Variants in TDRD1 observed in about 807,000 individuals in gnomAD.
The protein encoded by TDRD1 is tudor domain containing 1.
TDRD1 carries 37 observed loss-of-function variants against 140.6 expected under a neutral mutation model. That is an observed-to-expected ratio of 0.26 (90% CI 0.20 to 0.35). The LOEUF (loss-of-function observed/expected upper bound fraction) is 0.35. Among genes scored for constraint, TDRD1 ranks in the 10% least tolerant of loss-of-function variants. The pLI is 1.00. For missense variants in TDRD1, 1,243 were observed against 1,393.0 expected (o/e 0.89, Z 1.71); for synonymous variants, 506 against 475.7 (o/e 1.06, Z -0.83).
exon 24 of TDRD1, chr10:114,227,939 A>G (rs1337254279): frequency 6.2e-7 from 1 of 1,613,760 alleles, no homozygotes; most frequent in African/African-American, 1.3e-5. Context: ...TTGCTGCTGC[A>G]CAGAGTTACA....
rs779045957 is a variant in TDRD1 at position 114,220,854 on chromosome 10, A to G, written c.2770+11A>G. 5.7e-6 allele frequency: 9 copies of G among 1,583,300 alleles called. No individual in the cohort carries two copies. Among genetic ancestry groups the G allele is most frequent in the East Asian group, 2.2e-5 (1 of 44,660 alleles). The stretch of plus-strand genomic sequence containing the variant: ...TACAGGGACTTCAAGGTAACATTTT[A>G]AAACCATTTATTTGTTTAAATTTGT... On this transcript the variant is annotated intron_variant, in intron 19 of 25. Transcript: ENST00000251864.
At chr10:114,185,274 C>G (rs1311249495) in intron 1 of TDRD1, among the ~76,000 whole-genome samples, 4 of 152,232 alleles carry the variant, frequency 2.6e-5, no homozygotes, top group Non-Finnish European at 5.9e-5. Context: ...ACTGCGACCT[C>G]TGACTCCTGG....
intron 18 of TDRD1, 75 bp downstream of exon 18, chr10:114,218,659 T>C (rs2035957203): frequency 9.3e-7 from 1 of 1,070,976 alleles, no homozygotes; most frequent in East Asian, 2.6e-5. Flanking sequence ...ATATCTACAA[T>C]GTTAACATTT....
rs775155514 is a variant in TDRD1, at chr10:114,204,730, G to A, written c.1134G>A (p.Lys378=). Residue 378 remains lysine, a synonymous_variant, in exon 10 of 26, where the codon AAG becomes AAA. Coordinates refer to ENST00000251864, the Ensembl canonical transcript of TDRD1. The stretch of plus-strand genomic sequence containing the variant: ...TGCGTAAAATTTTTCAGGCCATAAA[G>A]TGCTTTGTAGCCAATGTTATCCCAG... 6.3e-6 allele frequency: 10 copies of A among 1,582,790 alleles called. No homozygotes were observed. In the Admixed American group the frequency reaches 1.9e-4, roughly 30 times the overall value.
chr10:114,218,173 C>A (rs1215491835), intron 17 of TDRD1, among the ~76,000 whole-genome samples: 1 of 152,084 alleles, frequency 6.6e-6, no homozygotes, highest in Non-Finnish European at 1.5e-5. Context: ...TGAATGAAAT[C>A]TTTAATTCAT....
rs778758237 is a variant in TDRD1 at position 114,220,524 on chromosome 10, A to G, written c.2495-44A>G. The G allele has an allele frequency of 1.1e-5, 17 of 1,503,782 alleles. No individual in the cohort carries two copies. In the African/African-American group the frequency reaches 1.9e-4, roughly 17 times the overall value. 93.2% of individuals were successfully genotyped at this position (1,503,782 alleles called of 1,614,324 possible). Reference sequence around the variant, plus strand: ...CTGGGTACTACTAAAGCAAAAATGAAACTTGTTCATAGGATTCTTTTTACT... The same window carrying G: ...CTGGGTACTACTAAAGCAAAAATGAGACTTGTTCATAGGATTCTTTTTACT... On this transcript the variant is annotated intron_variant, in intron 18 of 25. Coordinates refer to ENST00000251864, the Ensembl canonical transcript of TDRD1.
At chr10:114,220,241 A>G (rs1451972530) in intron 18 of TDRD1, among the ~76,000 whole-genome samples, 6 of 152,248 alleles carry the variant, frequency 3.9e-5, no homozygotes, top group East Asian at 1.9e-4. Flanking sequence ...GACATCTTCT[A>G]CCAGCATAAT....
chr10:114,203,309 C>A, intron 7 of TDRD1, 79 bp from the exon 8 acceptor site: 1 of 1,523,644 alleles, frequency 6.6e-7, no homozygotes, highest in South Asian at 1.3e-5. Flanking sequence ...CTGTTTGTGT[C>A]TTAGTTACAA....
chr10:114,225,114 C>G (rs1311772150), intron 21 of TDRD1, among the ~76,000 whole-genome samples: 1 of 152,222 alleles, frequency 6.6e-6, no homozygotes, highest in Non-Finnish European at 1.5e-5. Flanking sequence ...TCTACTCTGC[C>G]TCACGTTCTC....
chr10:114,213,432 G>A lies in TDRD1; in HGVS notation c.1918G>A (p.Val640Met), dbSNP rs145537375. The change falls in exon 15 of 26, where the codon GTG becomes ATG. Residue 640 changes from valine to methionine, a missense_variant. Transcript: ENST00000251864. Reference sequence around the variant, plus strand: ...ACAGAACAAAATAATCACAGTGAAAGTGGTGGACAAGTTGGAAAACAGTTC... The same window carrying A: ...ACAGAACAAAATAATCACAGTGAAAATGGTGGACAAGTTGGAAAACAGTTC... The A allele has an allele frequency of 1.5e-4, 243 of 1,614,000 alleles. 1 individual carries two copies. Among genetic ancestry groups the A allele is most frequent in the Admixed American group, 3.0e-4 (18 of 59,992 alleles).
chr10:114,201,813 C>G (rs539484810), intron 5 of TDRD1, among the ~76,000 whole-genome samples: 14 of 152,344 alleles, frequency 9.2e-5, no homozygotes, highest in African/African-American at 2.9e-4. Flanking sequence ...AAGTTTGGAA[C>G]TCTTACATGC....
intron 2 of TDRD1, 95 bp from the exon 3 acceptor site, chr10:114,190,866 T>C (rs1206737629): frequency 8.3e-7 from 1 of 1,200,632 alleles, no homozygotes; most frequent in South Asian, 1.3e-5. Context: ...GGTATAGCCC[T>C]GTTACTTGAA....
intron 25 of TDRD1, chr10:114,228,434 G>A: frequency 9.3e-7 from 1 of 1,070,484 alleles, no homozygotes; most frequent in Non-Finnish European, 1.1e-6. Context: ...AAAACTTGTT[G>A]TGACATAAAG....
chr10:114,180,538 T>C (rs1229217763), intron 1 of TDRD1, among the ~76,000 whole-genome samples: 3 of 152,184 alleles, frequency 2.0e-5, no homozygotes, highest in African/African-American at 7.2e-5. Context: ...CGATCCCAGC[T>C]CACTGCAACC....
At chr10:114,232,362 A>G (rs1439968395), downstream of TDRD1, 4 of 151,932 alleles carry the variant, frequency 2.6e-5, no homozygotes, top group East Asian at 5.8e-4. Flanking sequence ...AATAATCTCA[A>G]ATTCTCCTAA....
rs916721639 is a variant in TDRD1, at chr10:114,196,463, T to C, written c.385-2710T>C. ...TTTCTTTCAGAGCTTGAAAAATGTT[T>C]TGTCACTTTCTTCTGGCCTCCATGG... On this transcript the variant is annotated intron_variant, in intron 3 of 25. Transcript: ENST00000251864. Among the ~76,000 whole-genome samples the C allele has an allele frequency of 8.5e-5, 13 of 152,312 alleles. No individual in the cohort carries two copies. In the Middle Eastern group the frequency reaches 0.02, roughly 239 times the overall value.
At chr10:114,229,479 TTCAGTCCTTTCTAATACATTG>T (rs1483784799) in intron 25 of TDRD1, among the ~76,000 whole-genome samples, 1 of 152,224 alleles carries the variant, frequency 6.6e-6, no homozygotes, top group Non-Finnish European at 1.5e-5. Flanking sequence ...TATTACAACT[TTCAGTCCTTTCTAATACATTG>T]TCTTAATACT....
At chr10:114,205,777 A>G (rs1037408697) in intron 10 of TDRD1, among the ~76,000 whole-genome samples, 1 of 152,188 alleles carries the variant, frequency 6.6e-6, no homozygotes, top group African/African-American at 2.4e-5. Flanking sequence ...AAAAATAGTT[A>G]AAAAGACTGA....
chr10:114,177,812 C>T (rs904073845), upstream of TDRD1, among the ~76,000 whole-genome samples: 6 of 151,046 alleles, frequency 4.0e-5, no homozygotes, highest in Middle Eastern at 3.4e-3. Flanking sequence ...TGTACAGCAC[C>T]TTCTTTTCTT....
Sources: gnomAD v4.1 joint callset for allele counts (sites outside exome capture counted in the v4.1 genomes callset) on GRCh38, gnomAD v4.1.1 for gene constraint, MANE v1.5 for transcripts, NCBI Gene and HGNC (gene_info 2026-07-23, HGNC 2026-07-21) for gene names.